The following MLLT6 variants were observed in gnomAD, a reference collection of about 807,000 sequenced individuals.
The protein encoded by MLLT6 is protein AF-17.
A neutral mutation model predicts 103.0 loss-of-function variants in MLLT6; 22 were observed. That is an observed-to-expected ratio of 0.21 (90% CI 0.15 to 0.31). The LOEUF (loss-of-function observed/expected upper bound fraction) is 0.31. MLLT6 is among the 10% of genes least tolerant of loss of function. The probability of loss-of-function intolerance (pLI) is 1.00; values close to 1 mark genes in which losing one functional copy is unlikely to be tolerated. For missense variants in MLLT6, 1,199 were observed against 1,441.7 expected (o/e 0.83, Z 2.73); for synonymous variants, 606 against 623.5 (o/e 0.97, Z 0.42).
chr17:38,712,212 G>A (rs1294805668), intron 7 of MLLT6, 198 bp downstream of exon 7: 1 of 691,466 alleles, frequency 1.4e-6, no homozygotes, highest in African/African-American at 1.9e-5. Flanking sequence ...CTGTGGCTGT[G>A]TTAGTGGTTC....
rs1203561157 is a variant in MLLT6 at position 38,728,068 on chromosome 17, C to T, written c.*2470C>T. ...GTTCTCATCTCCAAGTGGCTGTTCT[C>T]CAACTTTCCCAAGCCGCTTGCATTC... is the stretch of plus-strand genomic sequence containing the variant. On this transcript the variant is annotated 3_prime_UTR_variant, in exon 20 of 20. Transcript: ENST00000621332. 5.6e-5 allele frequency: 13 copies of T among 233,184 alleles called. No individual in the cohort carries two copies. Among genetic ancestry groups the T allele is most frequent in the Non-Finnish European group, 1.1e-4 (13 of 118,084 alleles). 14.4% of individuals were successfully genotyped at this position (233,184 alleles called of 1,614,324 possible). A position where few individuals can be genotyped will look rare whatever the true frequency, so the allele number is the denominator to read the frequency against.
Position 38,729,614 on chromosome 17 carries a change from C to A in MLLT6, c.*4016C>A. 4.3e-6 allele frequency: 1 copy of A among 232,368 alleles called. No individual in the cohort carries two copies. Among genetic ancestry groups the A allele is most frequent in the Non-Finnish European group, 8.5e-6 (1 of 117,240 alleles). 14.4% of individuals were successfully genotyped at this position (232,368 alleles called of 1,614,324 possible). A position where few individuals can be genotyped will look rare whatever the true frequency, so the allele number is the denominator to read the frequency against. The stretch of plus-strand genomic sequence containing the variant: ...CAAACCCAGGGGCTCCTTTTTCATT[C>A]TTTCTAAAACCTTGATATCCTCAGC... On this transcript the variant is annotated 3_prime_UTR_variant, in exon 20 of 20. Transcript: ENST00000621332.
At position 38,707,047 on chromosome 17, in the gene MLLT6, C is replaced by T. The variant is rs753868011; in HGVS notation, c.189+18C>T. 1 of 1,600,056 alleles carries T rather than the reference C, an allele frequency of 6.2e-7. No individual in the cohort carries two copies. Among genetic ancestry groups the T allele is most frequent in the Non-Finnish European group, 8.6e-7 (1 of 1,168,954 alleles). On this transcript the variant is annotated intron_variant, in intron 2 of 19. Transcript: ENST00000621332. ...CCAGGGTGGTGAGTTCCAGACTGCC[C>T]CTCTCCACTCCCCTGCCCCTCCCAC...
At chr17:38,722,656 C>G in intron 17 of MLLT6, 22 bp from the exon 18 acceptor site, 5 of 462,852 alleles carry the variant, frequency 1.1e-5, no homozygotes, top group Non-Finnish European at 2.0e-5. Context: ...TGTCCCCCCC[C>G]CACCCCCCAC....
At chr17:38,710,421 G>A (rs953996565) in intron 6 of MLLT6, among the ~76,000 whole-genome samples, 1 of 152,162 alleles carries the variant, frequency 6.6e-6, no homozygotes, top group Non-Finnish European at 1.5e-5. Context: ...GCCTGTAAGC[G>A]GGAGAGTAAC....
chr17:38,726,902 G>T lies in MLLT6; in HGVS notation c.*1304G>T. The T allele has an allele frequency of 4.3e-6, 1 of 233,794 alleles. No individual in the cohort carries two copies. The highest frequency in any genetic ancestry group is 8.5e-6 in the Non-Finnish European group (1 of 118,108). 14.5% of individuals were successfully genotyped at this position (233,794 alleles called of 1,614,324 possible). ...CCAGCTATTTCCCCAGGGTAGAGTG[G>T]GCAATTCTCACCTTCAAAGAGTCCC... On this transcript the variant is annotated 3_prime_UTR_variant, in exon 20 of 20. Transcript: ENST00000621332.
Position 38,725,691 on chromosome 17 carries a change from CT to C in MLLT6, c.*94del. On this transcript the variant is annotated 3_prime_UTR_variant, in exon 20 of 20. Coordinates refer to ENST00000621332, the MANE Select transcript of MLLT6 (RefSeq NM_005937.4). ...TGGAGCAGGCGCCTGCGCCCAGACCCTGGAGAGCCTTGACCCAGAGCCTGTG... is the reference window on the plus strand; with the variant it reads ...TGGAGCAGGCGCCTGCGCCCAGACCCGGAGAGCCTTGACCCAGAGCCTGTG... 9.0e-7 allele frequency: 1 copy of C among 1,116,146 alleles called. No homozygotes were observed. The highest frequency in any genetic ancestry group is 1.3e-6 in the Non-Finnish European group (1 of 784,500). 69.1% of individuals were successfully genotyped at this position (1,116,146 alleles called of 1,614,324 possible).
chr17:38,705,629 G>A lies in MLLT6; in HGVS notation c.-4G>A. 1 of 1,550,026 alleles carries A rather than the reference G, an allele frequency of 6.5e-7. No individual in the cohort carries two copies. The highest frequency in any genetic ancestry group is 1.2e-5 in the South Asian group (1 of 86,342). ...CCCCAGCCCCGGAGGGAGCTCATGG[G>A]AGTATGAAGGAGATGGTAGGAGGCT... On this transcript the variant is annotated 5_prime_UTR_variant, in exon 1 of 20. Transcript: ENST00000621332.
In MLLT6 at chr17:38,729,661, C is replaced by A; in HGVS notation, c.*4063C>A. 1 of 230,440 alleles carries A rather than the reference C, an allele frequency of 4.3e-6. No individual in the cohort carries two copies. 14.3% of individuals were successfully genotyped at this position (230,440 alleles called of 1,614,324 possible). ...CAGCCCAAAGGCGATGCCCCCCTGCCACCTCCAAGCCTGGAATTGTGCATA... is the reference window on the plus strand; with the variant it reads ...CAGCCCAAAGGCGATGCCCCCCTGCAACCTCCAAGCCTGGAATTGTGCATA... On this transcript the variant is annotated 3_prime_UTR_variant, in exon 20 of 20. Transcript: ENST00000621332.
Position 38,722,095 on chromosome 17 carries a change from G to C in MLLT6, c.2660G>C (p.Gly887Ala), listed in dbSNP as rs1292937013. ...CCCATGGCTGAGGGGCTGTTGGGGGGGCTGGCAGGCAGTGGGGGCCTGCCC... is the reference window on the plus strand; with the variant it reads ...CCCATGGCTGAGGGGCTGTTGGGGGCGCTGGCAGGCAGTGGGGGCCTGCCC... ...AMPMAEGLLG[G>A]LAGSGGLPLN... Residue 887 changes from glycine (G) to alanine (A), a missense_variant, in exon 17 of 20, where the codon GGG becomes GCG. Around this residue, in one of 7 missense-constraint regions of MLLT6, gnomAD observed 1,034 missense variants for 1,091.5 expected, o/e 0.95. Coordinates refer to ENST00000621332, the MANE Select transcript of MLLT6 (RefSeq NM_005937.4). 2.9e-6 allele frequency: 4 copies of C among 1,373,634 alleles called. No individual in the cohort carries two copies. The highest frequency in any genetic ancestry group is 1.5e-5 in the African/African-American group (1 of 65,150). The allele number at this position is 1,373,634 out of a possible 1,614,324, so 85.1% of individuals were successfully genotyped here. A position where few individuals can be genotyped will look rare whatever the true frequency, so the allele number is the denominator to read the frequency against.
Position 38,724,379 on chromosome 17 carries a change from A to ACC in MLLT6, c.2884-239_2884-238dup. The ACC allele has an allele frequency of 2.1e-6, 1 of 487,356 alleles. No homozygotes were observed. The highest frequency in any genetic ancestry group is 3.6e-6 in the Non-Finnish European group (1 of 277,018). The allele number at this position is 487,356 out of a possible 1,614,324, so 30.2% of individuals were successfully genotyped here. ...GTGGGCAGGGCCAGAGATATTAAAT[A>ACC]CCCTGCTGTTGGCCGGCAGTGCTGC... On this transcript the variant is annotated intron_variant, in intron 18 of 19. Coordinates refer to ENST00000621332, the MANE Select transcript of MLLT6 (RefSeq NM_005937.4). This position sits in a 1 kb window ranked among gnomAD's most constrained non-coding sequence, Gnocchi z 5.4.
rs1309078428 is a variant in MLLT6 at position 38,727,616 on chromosome 17, A to G, written c.*2018A>G. ...TCAGGAGTTCAAGACCAGCCTGGCC[A>G]ACATGGTGAAACCCCGTCTCTATCA... is the stretch of plus-strand genomic sequence containing the variant. On this transcript the variant is annotated 3_prime_UTR_variant, in exon 20 of 20. Coordinates refer to ENST00000621332, the MANE Select transcript of MLLT6 (RefSeq NM_005937.4). 5.2e-6 allele frequency: 1 copy of G among 190,578 alleles called. No homozygotes were observed. Among genetic ancestry groups the G allele is most frequent in the Non-Finnish European group, 1.1e-5 (1 of 91,056 alleles). The allele number at this position is 190,578 out of a possible 1,614,324, so 11.8% of individuals were successfully genotyped here.
chr17:38,720,462 G>T lies in MLLT6; in HGVS notation c.2246G>T (p.Arg749Leu), dbSNP rs1028642985. Reference sequence around the variant, plus strand: ...CTGAGCCTGACGGCCAAAAAGGAGCGGCTGCAGATTCTCAACGTGCAGCTC... The same window carrying T: ...CTGAGCCTGACGGCCAAAAAGGAGCTGCTGCAGATTCTCAACGTGCAGCTC... The part of the protein sequence containing the change: ...QILSLTAKKE[R>L]LQILNVQLSV... Residue 749 changes from arginine (R) to leucine (L), a missense_variant, in exon 15 of 20, where the codon CGG becomes CTG. This residue lies in a region of MLLT6 where 1,034 missense variants were observed against 1,091.5 expected (regional missense o/e 0.95). Coordinates refer to ENST00000621332, the MANE Select transcript of MLLT6 (RefSeq NM_005937.4). 6.2e-7 allele frequency: 1 copy of T among 1,612,966 alleles called. No homozygotes were observed. Among genetic ancestry groups the T allele is most frequent in the Non-Finnish European group, 8.5e-7 (1 of 1,179,976 alleles).
At position 38,716,243 on chromosome 17, in the gene MLLT6, G is replaced by T; in HGVS notation, c.1037-124G>T. The T allele has an allele frequency of 9.9e-7, 1 of 1,015,014 alleles. No individual in the cohort carries two copies. The allele number at this position is 1,015,014 out of a possible 1,614,324, so 62.9% of individuals were successfully genotyped here. On this transcript the variant is annotated intron_variant, in intron 9 of 19. Transcript: ENST00000621332. The surrounding 1 kb of genome is among the most constrained non-coding windows in gnomAD (Gnocchi z 5.6). ...ATCCCAGGACACAGACAGTGGCAGAGCTGAGACAGGAAACCAGGCATCCCC... is the reference window on the plus strand; with the variant it reads ...ATCCCAGGACACAGACAGTGGCAGATCTGAGACAGGAAACCAGGCATCCCC...
chr17:38,712,630 C>A, intron 7 of MLLT6, 61 bp from the exon 8 acceptor site: 1 of 1,105,686 alleles, frequency 9.0e-7, no homozygotes, highest in South Asian at 1.3e-5. Context: ...ACCCACATGT[C>A]ATGTTTGTCC....
At chr17:38,721,796 T>G in intron 16 of MLLT6, 82 bp from the exon 17 acceptor site, 231 of 962,756 alleles carry the variant, frequency 2.4e-4, no homozygotes, top group Non-Finnish European at 3.1e-4. Flanking sequence ...CTGTGCTCTG[T>G]GAGAATGCTG....
rs1759951162 is a variant in MLLT6 at position 38,724,270 on chromosome 17, AAAG to A, written c.2884-347_2884-345del. On this transcript the variant is annotated intron_variant, in intron 18 of 19. Transcript: ENST00000621332. The surrounding 1 kb of genome is among the most constrained non-coding windows in gnomAD (Gnocchi z 5.4). ...GACTCCGTCTCACAAAAAGAAAAGAAAAGAAAAGAAAACTATTGACCTAGTTTA... is the reference window on the plus strand; with the variant it reads ...GACTCCGTCTCACAAAAAGAAAAGAAAAAAGAAAACTATTGACCTAGTTTA... 2 of 257,434 alleles carry A rather than the reference AAAG, an allele frequency of 7.8e-6. No individual in the cohort carries two copies. Among genetic ancestry groups the A allele is most frequent in the Non-Finnish European group, 1.5e-5 (2 of 136,906 alleles). 15.9% of individuals were successfully genotyped at this position (257,434 alleles called of 1,614,324 possible).
chr17:38,709,330 G>C lies in MLLT6; in HGVS notation c.458+54G>C. ...CCCGGGTTTGTCCTGGATGGCCACT[G>C]ATCAGGCTCATCCTAGCTGCTGTCC... On this transcript the variant is annotated intron_variant, in intron 5 of 19. Coordinates refer to ENST00000621332, the MANE Select transcript of MLLT6 (RefSeq NM_005937.4). This position sits in a 1 kb window ranked among gnomAD's most constrained non-coding sequence, Gnocchi z 4.3. 1 of 1,477,942 alleles carries C rather than the reference G, an allele frequency of 6.8e-7. No individual in the cohort carries two copies. The highest frequency in any genetic ancestry group is 1.7e-5 in the Admixed American group (1 of 59,814). The allele number at this position is 1,477,942 out of a possible 1,614,324, so 91.6% of individuals were successfully genotyped here.
In MLLT6 at chr17:38,724,626, C is replaced by G; in HGVS notation, c.2890C>G (p.Gln964Glu). The change falls in exon 19 of 20, where the codon CAG (glutamine) becomes GAG (glutamate). Residue 964 changes from glutamine (Q) to glutamate (E), a missense_variant. Physicochemically the swap from Gln to Glu is conservative, Grantham distance 29. This residue lies in a region of MLLT6 where 1,034 missense variants were observed against 1,091.5 expected (regional missense o/e 0.95). Coordinates refer to ENST00000621332, the MANE Select transcript of MLLT6 (RefSeq NM_005937.4). The surrounding 1 kb of genome is among the most constrained non-coding windows in gnomAD (Gnocchi z 5.4). ...CGGTCTGGCCCCCTTGCAGGAACAC[C>G]AGACTGTTGTCTACCAGATGATCCA... ...LASPQLTPEH[Q>E]TVVYQMIQQI... 6.3e-7 allele frequency: 1 copy of G among 1,591,194 alleles called. No homozygotes were observed. The highest frequency in any genetic ancestry group is 8.6e-7 in the Non-Finnish European group (1 of 1,165,394).
Sources: gnomAD v4.1 joint callset for allele counts (sites outside exome capture counted in the v4.1 genomes callset) on GRCh38, gnomAD v4.1.1 for gene constraint, gnomAD v4.1.1 regional missense constraint, Gnocchi (gnomAD v3.1) non-coding constraint, MANE v1.5 for transcripts, NCBI Gene and HGNC (gene_info 2026-07-23, HGNC 2026-07-21) for gene names.